Variants in KAZN observed in about 807,000 individuals in gnomAD.
KAZN encodes kazrin.
A neutral mutation model predicts 87.4 loss-of-function variants in KAZN; 40 were observed. The observed-to-expected ratio is 0.46, with a 90% CI of 0.36 to 0.60. The LOEUF is 0.60. KAZN is among the 20% of genes least tolerant of loss of function. The pLI, the probability that KAZN is intolerant of heterozygous loss-of-function variation, is 0.00. For missense variants in KAZN, 898 were observed against 1,073.9 expected, an observed-to-expected ratio of 0.84 and a Z score of 2.29; for synonymous variants, 466 against 458.3, an observed-to-expected ratio of 1.02 and a Z score of -0.22.
intron 2 of KAZN, among the ~76,000 whole-genome samples, chr1:14,451,499 G>A (rs4463663): frequency 1.3e-5 from 2 of 151,766 alleles, no homozygotes; most frequent in African/African-American, 2.4e-5. Flanking sequence ...GATGGGAGGC[G>A]AGATGTATCA....
At chr1:14,736,632 G>A (rs555897655) in intron 1 of KAZN, among the ~76,000 whole-genome samples, 1 of 151,952 alleles carries the variant, frequency 6.6e-6, no homozygotes, top group South Asian at 2.1e-4. Flanking sequence ...TTTTTAACAG[G>A]GTCCCCAGAT....
At chr1:14,891,329 G>A (rs1471302818) in intron 1 of KAZN, among the ~76,000 whole-genome samples, 1 of 152,026 alleles carries the variant, frequency 6.6e-6, no homozygotes, top group African/African-American at 2.4e-5. Context: ...TTTACCCTGA[G>A]TCCCCAGAGT....
intron 1 of KAZN, among the ~76,000 whole-genome samples, chr1:14,659,336 T>A (rs1363889643): frequency 6.6e-6 from 1 of 152,118 alleles, no homozygotes; most frequent in Non-Finnish European, 1.5e-5. Flanking sequence ...TAGAGATAGT[T>A]CTATAGGTCA....
chr1:14,512,875 T>C (rs1246278765), intron 2 of KAZN, among the ~76,000 whole-genome samples: 2 of 152,190 alleles, frequency 1.3e-5, no homozygotes, highest in African/African-American at 4.8e-5. Context: ...GATGACACCT[T>C]CCTTGGACGA....
At chr1:13,902,329 C>T (rs1294667331) in intron 1 of KAZN, among the ~76,000 whole-genome samples, 6 of 152,190 alleles carry the variant, frequency 3.9e-5, no homozygotes, top group Non-Finnish European at 7.3e-5. Flanking sequence ...GGAGTGGGAC[C>T]GTGAAGGTGC....
intron 2 of KAZN, among the ~76,000 whole-genome samples, chr1:14,395,384 G>A (rs745330029): frequency 1.3e-5 from 2 of 152,134 alleles, no homozygotes; most frequent in Non-Finnish European, 2.9e-5. Flanking sequence ...CTGGTAGGAA[G>A]AGATGGATTT....
chr1:14,795,632 G>A (rs984975972), intron 1 of KAZN, among the ~76,000 whole-genome samples: 2 of 151,546 alleles, frequency 1.3e-5, no homozygotes, highest in Non-Finnish European at 2.9e-5. Flanking sequence ...GCCCAACCTC[G>A]CTCCCACCTA....
intron 2 of KAZN, among the ~76,000 whole-genome samples, chr1:14,489,549 C>T (rs1300527252): frequency 6.6e-6 from 1 of 151,938 alleles, no homozygotes; most frequent in Non-Finnish European, 1.5e-5. Flanking sequence ...GCCTGGCCAA[C>T]ATGGTGAAAC....
chr1:14,575,270 G>A (rs1000075570), intron 2 of KAZN, among the ~76,000 whole-genome samples: 2 of 152,070 alleles, frequency 1.3e-5, no homozygotes, highest in African/African-American at 4.8e-5. Flanking sequence ...ACCTGAGACT[G>A]GGTAATTTAT....
chr1:14,525,249 A>T (rs548727023), intron 2 of KAZN, among the ~76,000 whole-genome samples: 1 of 152,388 alleles, frequency 6.6e-6, no homozygotes, highest in Admixed American at 6.5e-5. Context: ...CTTGCCAGCC[A>T]TACAGAATTA....
chr1:14,490,571 C>T (rs988467865), intron 2 of KAZN, among the ~76,000 whole-genome samples: 4 of 152,152 alleles, frequency 2.6e-5, no homozygotes, highest in African/African-American at 9.7e-5. Context: ...CGGCTCACTG[C>T]AACCTCCGCT....
At chr1:15,075,277 C>G (rs74059814) in intron 8 of KAZN, among the ~76,000 whole-genome samples, 4,196 of 152,094 alleles carry the variant, frequency 0.028, 188 homozygotes, top group African/African-American at 0.096. Flanking sequence ...TAAGACTCAA[C>G]TAGGGGGAAA....
intron 1 of KAZN, among the ~76,000 whole-genome samples, chr1:14,944,131 G>A (rs939598800): frequency 4.0e-5 from 6 of 150,906 alleles, no homozygotes; most frequent in Non-Finnish European, 8.8e-5. Context: ...TGTCAGGGTC[G>A]AGTTTTCTTG....
intron 1 of KAZN, among the ~76,000 whole-genome samples, chr1:14,651,112 C>G (rs1328958103): frequency 6.6e-6 from 1 of 152,312 alleles, no homozygotes; most frequent in African/African-American, 2.4e-5. Context: ...TCTAAATGAC[C>G]AAATTAGGCA....
At chr1:14,564,196 A>G (rs1401537037) in intron 2 of KAZN, among the ~76,000 whole-genome samples, 1 of 152,028 alleles carries the variant, frequency 6.6e-6, no homozygotes, top group Non-Finnish European at 1.5e-5. Context: ...TGAACTTAGT[A>G]TTTCATTCTA....
At chr1:14,772,079 G>A (rs999690204) in intron 1 of KAZN, among the ~76,000 whole-genome samples, 5 of 152,068 alleles carry the variant, frequency 3.3e-5, no homozygotes, top group African/African-American at 1.2e-4. Flanking sequence ...ACCTTGATCG[G>A]GTCCTAATGG....
intron 2 of KAZN, among the ~76,000 whole-genome samples, chr1:14,426,756 C>T (rs1186835347): frequency 1.3e-5 from 2 of 152,178 alleles, no homozygotes; most frequent in African/African-American, 4.8e-5. Context: ...GCCTCCCAAG[C>T]TGAGAAGGTC....
intron 1 of KAZN, among the ~76,000 whole-genome samples, chr1:14,800,995 C>T (rs1645993051): frequency 6.6e-6 from 1 of 150,452 alleles, no homozygotes; most frequent in Non-Finnish European, 1.5e-5. Flanking sequence ...TGCTAAAAAA[C>T]ACTGAATTGT....
rs58491688 is a variant in KAZN, at chr1:14,373,198, A to AATATATATATATAT, written c.249+192621_249+192634dup. Among the ~76,000 whole-genome samples the AATATATATATATAT allele has an allele frequency of 2.3e-3, 344 of 149,098 alleles. 4 individuals carry two copies. The highest frequency in any genetic ancestry group is 7.1e-3 in the South Asian group (32 of 4,530). On this transcript the variant is annotated intron_variant, in intron 2 of 16. Coordinates refer to the KAZN transcript ENST00000636203. ...TTGTTAGGGTTCTCCTGAAAAACTG[A>AATATATATATATAT]ATATATATATATATATATATATATA...
Sources: allele counts gnomAD v4.1 joint callset (sites outside exome capture counted in the v4.1 genomes callset), GRCh38; gene constraint gnomAD v4.1.1; transcripts MANE v1.5; gene names NCBI Gene and HGNC (gene_info 2026-07-23, HGNC 2026-07-21).